RNF19B: variants seen among roughly 807,000 people sequenced by gnomAD.
The protein encoded by RNF19B is E3 ubiquitin-protein ligase RNF19B.
A neutral mutation model predicts 65.5 loss-of-function variants in RNF19B; 23 were observed. That is an observed-to-expected ratio of 0.35 (90% CI 0.25 to 0.50). The LOEUF is 0.50. Ranked by LOEUF, RNF19B falls within the 20% of genes least tolerant of loss-of-function variation. The pLI, the probability that RNF19B is intolerant of heterozygous loss-of-function variation, is 0.98. For synonymous variants in RNF19B, 372 were observed against 379.6 expected, an observed-to-expected ratio of 0.98 and a Z score of 0.23; for missense variants, 794 against 980.0, an observed-to-expected ratio of 0.81 and a Z score of 2.53.
chr1:32,952,567 G>A (rs769696438), intron 1 of RNF19B, among the ~76,000 whole-genome samples: 13 of 150,318 alleles, frequency 8.6e-5, no homozygotes, highest in South Asian at 2.1e-4. Context: ...ATGGTGAAAC[G>A]CTGTCTCTAC....
At position 32,961,260 on chromosome 1, in the gene RNF19B, T is replaced by A. The variant is rs1442815993; in HGVS notation, c.635+2791A>T. Among the ~76,000 whole-genome samples the A allele has an allele frequency of 2.0e-5, 3 of 152,192 alleles. No individual in the cohort carries two copies. The East Asian group carries it at 5.8e-4, about 29-fold the overall frequency. On this transcript the variant is annotated intron_variant, in intron 1 of 8. Coordinates refer to ENST00000235150, the MANE Select transcript of RNF19B (RefSeq NM_001300826.2). Reference sequence around the variant, plus strand: ...TCAGAAAGGAAACTAGACTCTAGTATCTTTGGCTTTCTCCATGTTGTCCTC... The same window carrying A: ...TCAGAAAGGAAACTAGACTCTAGTAACTTTGGCTTTCTCCATGTTGTCCTC...
chr1:32,948,562 CT>C (rs966182834), intron 2 of RNF19B, among the ~76,000 whole-genome samples, 199 bp from the exon 3 acceptor site: 1 of 152,148 alleles, frequency 6.6e-6, no homozygotes, highest in Non-Finnish European at 1.5e-5. Flanking sequence ...TGAATCCTGT[CT>C]CTTATTGAGC....
chr1:32,945,404 A>G, intron 5 of RNF19B, 110 bp downstream of exon 5: 1 of 650,258 alleles, frequency 1.5e-6, no homozygotes, highest in Non-Finnish European at 2.8e-6. Context: ...ATTTACTATC[A>G]AGGTGGGTTC....
At chr1:32,962,899 G>A (rs2124196109) in intron 1 of RNF19B, among the ~76,000 whole-genome samples, 1 of 152,314 alleles carries the variant, frequency 6.6e-6, no homozygotes, top group South Asian at 2.1e-4. Context: ...ACTTCTAAAG[G>A]CGGGGAGGGC....
Position 32,948,233 on chromosome 1 carries a change from C to T in RNF19B, c.972G>A (p.Leu324=). The change falls in exon 3 of 9, where the codon TTG becomes TTA. Residue 324 remains leucine, a synonymous_variant. Transcript: ENST00000235150. ...ATTTCCCATCTTACCTGAGGTAATGCAAGTCTGAGATCTCTTTCATACAAA... is the reference window on the plus strand; with the variant it reads ...ATTTCCCATCTTACCTGAGGTAATGTAAGTCTGAGATCTCTTTCATACAAA... ...CWLCMKEISD[L]HYLSPSGCTF... is the part of the protein sequence containing the mutation. The T allele has an allele frequency of 1.2e-6, 2 of 1,613,762 alleles. No homozygotes were observed. The highest frequency in any genetic ancestry group is 1.7e-6 in the Non-Finnish European group (2 of 1,179,820).
chr1:32,933,047 CCT>C (rs1642045810), downstream of RNF19B, among the ~76,000 whole-genome samples: 1 of 152,118 alleles, frequency 6.6e-6, no homozygotes, highest in South Asian at 2.1e-4. Context: ...CTCTGTCTTC[CCT>C]GTTTTTCTTC....
At position 32,955,802 on chromosome 1, in the gene RNF19B, C is replaced by G. The variant is rs1385838015; in HGVS notation, c.636-6028G>C. On this transcript the variant is annotated intron_variant, in intron 1 of 8. Coordinates refer to ENST00000235150, the MANE Select transcript of RNF19B (RefSeq NM_001300826.2). ...CCTCATCCTTGAAACCCAATCTGCCCTGTCCACTTTGTTCCTTCTCTTCCA... is the reference window on the plus strand; with the variant it reads ...CCTCATCCTTGAAACCCAATCTGCCGTGTCCACTTTGTTCCTTCTCTTCCA... Among the ~76,000 whole-genome samples, 3 of 152,180 alleles carry G rather than the reference C, an allele frequency of 2.0e-5. No individual in the cohort carries two copies. In the East Asian group the frequency reaches 5.8e-4, roughly 29 times the overall value.
chr1:32,938,181 G>T, intron 8 of RNF19B: 3 of 286,354 alleles, frequency 1.0e-5, no homozygotes, highest in African/African-American at 2.8e-5. Context: ...ATAAAAGGAA[G>T]AAAGAAAAGA....
rs754723472 is a variant in RNF19B at position 32,946,392 on chromosome 1, T to A, written c.1146+10A>T. The A allele has an allele frequency of 1.1e-5, 17 of 1,612,480 alleles. No individual in the cohort carries two copies. In the Admixed American group the frequency reaches 1.7e-4, roughly 16 times the overall value. On this transcript the variant is annotated intron_variant, in intron 4 of 8. Transcript: ENST00000235150. ...TGAAACAAGCACAGAAACCAGCATG[T>A]CTTTCTTACCTTCCTTCCAACATAA...
chr1:32,957,713 A>G (rs1642672771), intron 1 of RNF19B, among the ~76,000 whole-genome samples: 1 of 152,224 alleles, frequency 6.6e-6, no homozygotes, highest in Non-Finnish European at 1.5e-5. Flanking sequence ...ACATGCCTGT[A>G]ATCCCAGATA....
chr1:32,933,253 TA>T (rs1313777610), downstream of RNF19B, among the ~76,000 whole-genome samples: 17 of 138,080 alleles, frequency 1.2e-4, no homozygotes, highest in African/African-American at 4.6e-4. Flanking sequence ...AAGCTATTAT[TA>T]TTATTTTTTT....
chr1:32,942,810 T>C (rs1458502984), intron 6 of RNF19B, among the ~76,000 whole-genome samples: 1 of 152,146 alleles, frequency 6.6e-6, no homozygotes, highest in African/African-American at 2.4e-5. Flanking sequence ...TATGTTTGGG[T>C]CATGTGCTGA....
chr1:32,945,900 T>C (rs767698525), intron 4 of RNF19B, among the ~76,000 whole-genome samples: 1 of 152,002 alleles, frequency 6.6e-6, no homozygotes, highest in Non-Finnish European at 1.5e-5. Context: ...TTGGAGTCTG[T>C]CATGCAGGCT....
At chr1:32,939,650 C>T (rs1487040373) in intron 7 of RNF19B, among the ~76,000 whole-genome samples, 2 of 152,250 alleles carry the variant, frequency 1.3e-5, no homozygotes, top group Non-Finnish European at 2.9e-5. Flanking sequence ...CCTCTTCCCT[C>T]CTCTTGGAGC....
At position 32,937,251 on chromosome 1, in the gene RNF19B, T is replaced by C. The variant is rs1376592319; in HGVS notation, c.1751A>G (p.Asn584Ser). ...SSYNPQDREC[N>S]NMEIQVDIEA... The stretch of plus-strand genomic sequence containing the variant: ...AATGTCCACTTGGATTTCCATATTG[T>C]TGCATTCTCTGTGGAGACAAAATCC... Residue 584 changes from asparagine (N) to serine (S), a missense_variant, in exon 9 of 9, where the codon AAC becomes AGC. Coordinates refer to ENST00000235150, the MANE Select transcript of RNF19B (RefSeq NM_001300826.2). 2 of 1,613,966 alleles carry C rather than the reference T, an allele frequency of 1.2e-6. No individual in the cohort carries two copies. The highest frequency in any genetic ancestry group is 2.2e-5 in the South Asian group (2 of 91,086).
intron 6 of RNF19B, among the ~76,000 whole-genome samples, chr1:32,943,211 A>G (rs1642281125): frequency 6.6e-6 from 1 of 152,074 alleles, no homozygotes; most frequent in South Asian, 2.1e-4. Flanking sequence ...CTTGTGCCCT[A>G]CGTTACTTAC....
At chr1:32,931,315 C>T in the RNF19B span, among the ~76,000 whole-genome samples, 7 of 152,126 alleles carry the variant, frequency 4.6e-5, no homozygotes, top group Non-Finnish European at 1.0e-4. Context: ...TTTGGGTTTG[C>T]CTTCCAGAAG....
intron 2 of RNF19B, 42 bp downstream of exon 2, chr1:32,949,527 A>C: frequency 6.4e-7 from 1 of 1,564,892 alleles, no homozygotes; most frequent in Non-Finnish European, 8.8e-7. Flanking sequence ...TCACATCATG[A>C]AATACCAAAT....
chr1:32,933,797 TCA>T (rs1412010852), downstream of RNF19B, among the ~76,000 whole-genome samples: 2 of 152,158 alleles, frequency 1.3e-5, no homozygotes, highest in Non-Finnish European at 2.9e-5. Context: ...GTATACCATC[TCA>T]GTCTTCACAA....
Sources: gnomAD v4.1 joint callset for allele counts (sites outside exome capture counted in the v4.1 genomes callset) on GRCh38, gnomAD v4.1.1 for gene constraint, MANE v1.5 for transcripts, NCBI Gene and HGNC (gene_info 2026-07-23, HGNC 2026-07-21) for gene names.